GSG1L: variants seen among roughly 807,000 people sequenced by gnomAD.
GSG1L encodes the protein germ cell-specific gene 1-like protein.
Under a neutral mutation model 42.1 loss-of-function variants are expected in GSG1L, and 24 were observed. That is an observed-to-expected ratio of 0.57 (90% CI 0.41 to 0.80). GSG1L has a LOEUF of 0.80. Ranked by LOEUF, GSG1L falls within the 30% of genes least tolerant of loss-of-function variation. The pLI, the probability that GSG1L is intolerant of heterozygous loss-of-function variation, is 0.00. For missense variants in GSG1L, 445 were observed against 472.2 expected (o/e 0.94, Z 0.53); for synonymous variants, 215 against 203.5 (o/e 1.06, Z -0.48).
In GSG1L at chr16:27,789,069, G is replaced by A. The variant is rs906398533; in HGVS notation, c.*2301C>T. On this transcript the variant is annotated 3_prime_UTR_variant, in exon 7 of 7. Coordinates refer to ENST00000447459, the MANE Select transcript of GSG1L (RefSeq NM_001109763.2). ...GAGTAATGAGGATGTGTGACACATGGAAGGAGGATGGATGGAAGTCTGATA... is the reference window on the plus strand; with the variant it reads ...GAGTAATGAGGATGTGTGACACATGAAAGGAGGATGGATGGAAGTCTGATA... 18 of 152,272 alleles carry A rather than the reference G, an allele frequency of 1.2e-4. No homozygotes were observed. The highest frequency in any genetic ancestry group is 3.9e-4 in the African/African-American group (16 of 41,462). 9.4% of individuals were successfully genotyped at this position (152,272 alleles called of 1,614,324 possible).
chr16:28,033,511 GA>G (rs553816155), intron 1 of GSG1L, among the ~76,000 whole-genome samples: 176 of 151,074 alleles, frequency 1.2e-3, no homozygotes, highest in African/African-American at 4.2e-3. Flanking sequence ...AAATAAAAAA[GA>G]AAAAAGTAAG....
chr16:28,021,173 T>C (rs1270975832), intron 1 of GSG1L, among the ~76,000 whole-genome samples: 2 of 152,080 alleles, frequency 1.3e-5, no homozygotes, highest in Non-Finnish European at 2.9e-5. Flanking sequence ...GCAGGAAGCA[T>C]GAGGGGGCAT....
intron 2 of GSG1L, among the ~76,000 whole-genome samples, chr16:27,949,925 AAAAC>A (rs541234298): frequency 9.9e-5 from 15 of 152,278 alleles, no homozygotes; most frequent in African/African-American, 1.9e-4. Context: ...ACTCCGTCTC[AAAAC>A]AAACAAACAA....
At chr16:27,922,855 C>T (rs1380891800) in intron 2 of GSG1L, among the ~76,000 whole-genome samples, 1 of 152,184 alleles carries the variant, frequency 6.6e-6, no homozygotes, top group Non-Finnish European at 1.5e-5. Context: ...GCAATCATAG[C>T]TCACTGCAGC....
At chr16:27,823,374 C>T (rs1313930626) in intron 5 of GSG1L, among the ~76,000 whole-genome samples, 1 of 152,170 alleles carries the variant, frequency 6.6e-6, no homozygotes, top group Non-Finnish European at 1.5e-5. Flanking sequence ...CTTTCTTCGA[C>T]AGCGCTGAAC....
At chr16:27,823,190 G>A (rs2083168073) in intron 5 of GSG1L, among the ~76,000 whole-genome samples, 1 of 152,140 alleles carries the variant, frequency 6.6e-6, no homozygotes, top group African/African-American at 2.4e-5. Context: ...CGACAGGCAG[G>A]GTGACGCTGG....
intron 1 of GSG1L, among the ~76,000 whole-genome samples, chr16:27,969,415 A>G (rs1266573018): frequency 6.6e-6 from 1 of 152,224 alleles, no homozygotes; most frequent in Non-Finnish European, 1.5e-5. Flanking sequence ...TACACTCAAT[A>G]TGATCAGACA....
At chr16:27,850,229 A>C (rs1306170031) in intron 3 of GSG1L, among the ~76,000 whole-genome samples, 1 of 151,182 alleles carries the variant, frequency 6.6e-6, no homozygotes, top group Non-Finnish European at 1.5e-5. Context: ...GGGTTTCACC[A>C]TGTTAGTCAG....
intron 3 of GSG1L, among the ~76,000 whole-genome samples, chr16:27,870,906 T>C (rs1416171697): frequency 6.6e-6 from 1 of 151,360 alleles, no homozygotes; most frequent in African/African-American, 2.5e-5. Flanking sequence ...AGCCGTGCTC[T>C]CCAGCCTGTA....
chr16:27,937,943 G>A (rs759267859), intron 2 of GSG1L, among the ~76,000 whole-genome samples: 1 of 152,052 alleles, frequency 6.6e-6, no homozygotes, highest in East Asian at 1.9e-4. Context: ...GATGACCATG[G>A]CCCCATGGTT....
intron 2 of GSG1L, among the ~76,000 whole-genome samples, chr16:27,932,823 T>G (rs1053150228): frequency 6.6e-6 from 1 of 152,036 alleles, no homozygotes; most frequent in South Asian, 2.1e-4. Flanking sequence ...TCACCCCTGT[T>G]GCATTTCCAC....
At chr16:27,846,065 G>T (rs2140984700) in intron 3 of GSG1L, among the ~76,000 whole-genome samples, 1 of 152,094 alleles carries the variant, frequency 6.6e-6, no homozygotes, top group African/African-American at 2.4e-5. Context: ...ACCACACCTG[G>T]CTAATTTTTG....
intron 2 of GSG1L, among the ~76,000 whole-genome samples, chr16:27,913,695 A>G (rs954149488): frequency 3.3e-5 from 5 of 152,224 alleles, no homozygotes; most frequent in Non-Finnish European, 5.9e-5. Flanking sequence ...ACAATGGCAG[A>G]GGTGAGTAAC....
At chr16:27,870,980 C>T (rs1372241340) in intron 3 of GSG1L, among the ~76,000 whole-genome samples, 1 of 148,452 alleles carries the variant, frequency 6.7e-6, no homozygotes, top group Non-Finnish European at 1.5e-5. Flanking sequence ...CTGACCTTGT[C>T]ACTCCTTCAC....
intron 2 of GSG1L, among the ~76,000 whole-genome samples, chr16:27,942,109 T>C (rs2084804358): frequency 1.3e-5 from 2 of 152,070 alleles, no homozygotes; most frequent in Non-Finnish European, 2.9e-5. Flanking sequence ...AATTTTATGT[T>C]ATATATTTTA....
intron 6 of GSG1L, among the ~76,000 whole-genome samples, chr16:27,795,994 A>G (rs1195935020): frequency 6.6e-6 from 1 of 152,194 alleles, no homozygotes. Flanking sequence ...AGGAACGTCA[A>G]TGCCACCACA....
intron 1 of GSG1L, among the ~76,000 whole-genome samples, chr16:28,044,108 C>A (rs2086138390): frequency 1.3e-5 from 2 of 152,012 alleles, no homozygotes; most frequent in Non-Finnish European, 2.9e-5. Context: ...CAACAGATAC[C>A]AGGCCAATTA....
intron 2 of GSG1L, among the ~76,000 whole-genome samples, chr16:27,911,058 C>T (rs1380803030): frequency 6.6e-6 from 1 of 152,072 alleles, no homozygotes; most frequent in Non-Finnish European, 1.5e-5. Context: ...TTCCAGTTCC[C>T]TGCCCTGAGC....
intron 5 of GSG1L, among the ~76,000 whole-genome samples, chr16:27,813,928 G>A (rs2083062754): frequency 6.6e-6 from 1 of 152,296 alleles, no homozygotes; most frequent in African/African-American, 2.4e-5. Context: ...GTTTTCTTAT[G>A]TGTGCACTGG....
Sources: gnomAD v4.1 joint callset for allele counts (sites outside exome capture counted in the v4.1 genomes callset) on GRCh38, gnomAD v4.1.1 for gene constraint, MANE v1.5 for transcripts, NCBI Gene and HGNC (gene_info 2026-07-23, HGNC 2026-07-21) for gene names.